The following OIT3 variants were observed in gnomAD, a reference collection of about 807,000 sequenced individuals.
OIT3 encodes the protein oncoprotein induced transcript 3.
OIT3 carries 41 observed loss-of-function variants against 52.2 expected under a neutral mutation model. The observed-to-expected ratio is 0.79, with a 90% CI of 0.61 to 1.02. The LOEUF is 1.02. OIT3 is among the 50% of genes least tolerant of loss of function. OIT3 has a pLI of 0.00. For synonymous variants in OIT3, 244 were observed against 276.9 expected, an observed-to-expected ratio of 0.88 and a Z score of 1.18; for missense variants, 634 against 715.5, an observed-to-expected ratio of 0.89 and a Z score of 1.30.
At chr10:72,927,515 A>G (rs954574889) in intron 7 of OIT3, among the ~76,000 whole-genome samples, 3 of 152,186 alleles carry the variant, frequency 2.0e-5, no homozygotes, top group African/African-American at 4.8e-5. Context: ...TACAGAAGAG[A>G]AAAAATATAT....
chr10:72,894,912 A>G (rs752298869), intron 1 of OIT3, among the ~76,000 whole-genome samples: 42 of 152,130 alleles, frequency 2.8e-4, no homozygotes, highest in South Asian at 6.2e-4. Context: ...AAAAATAAAA[A>G]TGGTGATTTG....
intron 3 of OIT3, among the ~76,000 whole-genome samples, chr10:72,905,216 A>G (rs567444064): frequency 3.9e-4 from 60 of 152,312 alleles, no homozygotes; most frequent in Admixed American, 3.3e-3. Flanking sequence ...CATGCCAGTA[A>G]TCCCAGCACT....
intron 6 of OIT3, among the ~76,000 whole-genome samples, chr10:72,913,946 A>G (rs1299788922): frequency 1.3e-5 from 2 of 152,258 alleles, no homozygotes; most frequent in Non-Finnish European, 2.9e-5. Context: ...CCTTTTAGGA[A>G]CTTGCACAGC....
intron 4 of OIT3, among the ~76,000 whole-genome samples, chr10:72,908,213 AGCC>A (rs1845997552): frequency 6.6e-6 from 1 of 152,142 alleles, no homozygotes; most frequent in Non-Finnish European, 1.5e-5. Context: ...ACTGCACTCC[AGCC>A]TGGTGACAAA....
At chr10:72,918,157 C>A in intron 6 of OIT3, 1 of 1,297,092 alleles carries the variant, frequency 7.7e-7, no homozygotes, top group Non-Finnish European at 1.1e-6. Flanking sequence ...TCCTCTTCAC[C>A]TTCTGACTCT....
At chr10:72,902,726 C>G (rs1179704613) in intron 3 of OIT3, among the ~76,000 whole-genome samples, 14 of 152,076 alleles carry the variant, frequency 9.2e-5, no homozygotes, top group Non-Finnish European at 1.8e-4. Context: ...AGGGGAACTC[C>G]CATTTATAAA....
chr10:72,913,219 G>A (rs1307715062), intron 5 of OIT3, 89 bp from the exon 6 acceptor site: 1 of 1,083,662 alleles, frequency 9.2e-7, no homozygotes, highest in Admixed American at 2.3e-5. Flanking sequence ...CAAAAAGCTT[G>A]GGTTGTGTGA....
chr10:72,909,187 T>C (rs1217727209), intron 4 of OIT3, among the ~76,000 whole-genome samples: 1 of 150,680 alleles, frequency 6.6e-6, no homozygotes, highest in Admixed American at 6.7e-5. Flanking sequence ...TGGTACCATC[T>C]TGGCTCACTG....
intron 6 of OIT3, among the ~76,000 whole-genome samples, chr10:72,914,856 T>G (rs933606836): frequency 2.6e-5 from 4 of 152,256 alleles, no homozygotes; most frequent in Non-Finnish European, 5.9e-5. Context: ...CAAGAAGTAG[T>G]GTGTAAAACT....
At chr10:72,916,120 A>G (rs763251679) in intron 6 of OIT3, among the ~76,000 whole-genome samples, 2 of 152,068 alleles carry the variant, frequency 1.3e-5, no homozygotes, top group African/African-American at 2.4e-5. Context: ...ACCATAGATC[A>G]TTTCTTACTC....
chr10:72,901,258 G>A (rs1226537962), intron 3 of OIT3, among the ~76,000 whole-genome samples: 1 of 152,002 alleles, frequency 6.6e-6, no homozygotes, highest in Admixed American at 6.6e-5. Context: ...CACTGGTCTG[G>A]TCTAGAATTA....
Position 72,932,401 on chromosome 10 carries a change from G to GCGTT in OIT3, c.1517_1520dup (p.Arg508PhefsTer78). 1 of 1,614,222 alleles carries GCGTT rather than the reference G, an allele frequency of 6.2e-7. No homozygotes were observed. ...TTCTTGTCTGTGGAGTGTTGGACGA[G>GCGTT]CGTTCCCGCTGTGCCCAGGGTTGCC... On this transcript the variant is annotated frameshift_variant, in exon 9 of 9. Transcript: ENST00000334011. LOFTEE classifies it low-confidence loss of function (END_TRUNC).
intron 4 of OIT3, among the ~76,000 whole-genome samples, chr10:72,908,184 A>G (rs1422009984): frequency 6.6e-6 from 1 of 152,162 alleles, no homozygotes. Flanking sequence ...TGGAGGTTGC[A>G]GTGAGCCAAG....
intron 3 of OIT3, among the ~76,000 whole-genome samples, chr10:72,902,575 GATTTATAAAGGAA>G (rs1340559086): frequency 5.3e-5 from 8 of 152,274 alleles, no homozygotes; most frequent in South Asian, 4.2e-4. Context: ...CCCAAGCCTG[GATTTATAAAGGAA>G]ATTTATAAAG....
intron 6 of OIT3, among the ~76,000 whole-genome samples, chr10:72,916,870 T>A (rs752227483): frequency 6.3e-4 from 96 of 152,248 alleles, no homozygotes; most frequent in Non-Finnish European, 3.5e-4. Context: ...GTAGCCATTC[T>A]GACTGGTGTG....
intron 1 of OIT3, among the ~76,000 whole-genome samples, chr10:72,897,875 C>A (rs1005852966): frequency 7.9e-5 from 12 of 152,142 alleles, no homozygotes; most frequent in Non-Finnish European, 1.6e-4. Context: ...TATGCATTTT[C>A]TTCCATCTTC....
chr10:72,929,554 A>G (rs1428237493), intron 7 of OIT3, among the ~76,000 whole-genome samples: 1 of 150,880 alleles, frequency 6.6e-6, no homozygotes, highest in Non-Finnish European at 1.5e-5. Context: ...GGGATTACAG[A>G]GGCATACCAC....
At chr10:72,915,166 C>CT (rs200336227) in intron 6 of OIT3, among the ~76,000 whole-genome samples, 236 of 150,898 alleles carry the variant, frequency 1.6e-3, no homozygotes, top group East Asian at 0.01. Flanking sequence ...GTGCCCAGCC[C>CT]TTTTTTTTTG....
At chr10:72,899,706 TAGA>T (rs1564589142) in intron 2 of OIT3, among the ~76,000 whole-genome samples, 1 of 18,882 alleles carries the variant, frequency 5.3e-5, no homozygotes, top group Non-Finnish European at 1.2e-4. Context: ...AGATAGATGA[TAGA>T]TAGATAGATA....
Sources: gnomAD v4.1 joint callset for allele counts (sites outside exome capture counted in the v4.1 genomes callset) on GRCh38, gnomAD v4.1.1 for gene constraint, MANE v1.5 for transcripts, NCBI Gene and HGNC (gene_info 2026-07-23, HGNC 2026-07-21) for gene names.